Variants in VWA8 observed in about 807,000 individuals in gnomAD.
The protein encoded by VWA8 is von Willebrand factor A domain containing 8.
A neutral mutation model predicts 241.5 loss-of-function variants in VWA8; 221 were observed. The ratio of observed to expected loss-of-function variants is 0.91; its 90% confidence interval spans 0.82 to 1.02. The LOEUF (loss-of-function observed/expected upper bound fraction) is 1.02, where lower values mean the gene tolerates loss of function less well. Ranked by LOEUF, VWA8 falls within the 50% of genes least tolerant of loss-of-function variation. VWA8 has a pLI of 0.00. For synonymous variants in VWA8, 852 were observed against 827.1 expected (o/e 1.03, Z -0.52); for missense variants, 2,322 against 2,328.7 (o/e 1.00, Z 0.06).
At chr13:41,892,693 G>T (rs1225345182) in intron 4 of VWA8, among the ~76,000 whole-genome samples, 1 of 151,996 alleles carries the variant, frequency 6.6e-6, no homozygotes, top group African/African-American at 2.4e-5. Flanking sequence ...AGCACCTCAG[G>T]TCCCTTGTAC....
At position 41,854,936 on chromosome 13, in the gene VWA8, T is replaced by C. The variant is rs143632856; in HGVS notation, c.1425+10800A>G. Among the ~76,000 whole-genome samples, 163 of 152,310 alleles carry C rather than the reference T, an allele frequency of 1.1e-3. 1 individual carries two copies. Among genetic ancestry groups the C allele is most frequent in the African/African-American group, 2.8e-3 (117 of 41,568 alleles). ...ATGGAGTGGTAGGCAGCAAGTCATG[T>C]TGGGGAAACTGCAAGTCATCCCTTA... On this transcript the variant is annotated intron_variant, in intron 12 of 44. Transcript: ENST00000379310.
intron 25 of VWA8, among the ~76,000 whole-genome samples, 178 bp downstream of exon 25, chr13:41,721,192 C>A (rs939168252): frequency 6.6e-6 from 1 of 152,122 alleles, no homozygotes; most frequent in African/African-American, 2.4e-5. Context: ...AAAAGCTGAA[C>A]AGATAATAAT....
At chr13:41,940,441 A>G (rs1214793994) in intron 2 of VWA8, among the ~76,000 whole-genome samples, 1 of 152,082 alleles carries the variant, frequency 6.6e-6, no homozygotes, top group Non-Finnish European at 1.5e-5. Flanking sequence ...AAAAAAAAAA[A>G]GTCCATCAAA....
rs762017780 is a variant in VWA8 at position 41,887,192 on chromosome 13, C to A, written c.816+5G>T. The A allele has an allele frequency of 6.2e-7, 1 of 1,606,830 alleles. No homozygotes were observed. Among genetic ancestry groups the A allele is most frequent in the South Asian group, 1.1e-5 (1 of 89,256 alleles). ...AACAAATAAATTATCCTTGGTCTTACTTACCTTGAAGGGTAAATAATAAAT... is the reference window on the plus strand; with the variant it reads ...AACAAATAAATTATCCTTGGTCTTAATTACCTTGAAGGGTAAATAATAAAT... On this transcript the variant is annotated splice_donor_5th_base_variant and intron_variant, in intron 6 of 44. Transcript: ENST00000379310.
intron 37 of VWA8, among the ~76,000 whole-genome samples, chr13:41,615,762 G>C (rs1383083789): frequency 6.6e-6 from 1 of 152,144 alleles, no homozygotes; most frequent in Non-Finnish European, 1.5e-5. Context: ...TCCTCTGTGA[G>C]AGCCTGAAGT....
At chr13:41,635,959 C>T (rs2044753930) in intron 37 of VWA8, among the ~76,000 whole-genome samples, 1 of 152,146 alleles carries the variant, frequency 6.6e-6, no homozygotes, top group South Asian at 2.1e-4. Flanking sequence ...CTTGTTACAG[C>T]ACCCAGAATA....
chr13:41,725,971 C>T (rs957799716), intron 24 of VWA8, among the ~76,000 whole-genome samples: 3 of 152,128 alleles, frequency 2.0e-5, no homozygotes, highest in African/African-American at 7.2e-5. Flanking sequence ...GCAAACAATG[C>T]CTTATCAGAT....
At chr13:41,700,126 C>T (rs897073335) in intron 28 of VWA8, among the ~76,000 whole-genome samples, 2 of 152,156 alleles carry the variant, frequency 1.3e-5, no homozygotes, top group African/African-American at 4.8e-5. Context: ...CATCACCTAT[C>T]ACCCAGGTAT....
In VWA8 at chr13:41,819,212, T is replaced by C; in HGVS notation, c.1869+6A>G. The C allele has an allele frequency of 6.3e-7, 1 of 1,599,902 alleles. No homozygotes were observed. Among genetic ancestry groups the C allele is most frequent in the Non-Finnish European group, 8.5e-7 (1 of 1,176,594 alleles). ...GAAAATAGACTAAGATTGGCTTTCT[T>C]CTTACCTTTTCCTTAATCACTTGGA... is the stretch of plus-strand genomic sequence containing the variant. On this transcript the variant is annotated splice_donor_region_variant and intron_variant, in intron 15 of 44. Coordinates refer to ENST00000379310, the MANE Select transcript of VWA8 (RefSeq NM_015058.2).
chr13:41,673,842 A>G (rs2045041974), intron 36 of VWA8, among the ~76,000 whole-genome samples: 1 of 152,210 alleles, frequency 6.6e-6, no homozygotes, highest in Non-Finnish European at 1.5e-5. Flanking sequence ...GCTCTTCCAG[A>G]TGTTCTTTCC....
intron 25 of VWA8, among the ~76,000 whole-genome samples, 185 bp from the exon 26 acceptor site, chr13:41,719,927 C>G (rs1190317617): frequency 6.6e-6 from 1 of 151,984 alleles, no homozygotes; most frequent in Admixed American, 6.6e-5. Context: ...GATGACTTAA[C>G]AATATTTTCC....
At chr13:41,703,212 C>A in intron 27 of VWA8, 91 bp downstream of exon 27, 1 of 1,046,806 alleles carries the variant, frequency 9.6e-7, no homozygotes. Flanking sequence ...CCGAACAAAT[C>A]ATTTCTGAGA....
intron 37 of VWA8, among the ~76,000 whole-genome samples, chr13:41,634,865 T>C (rs1053803358): frequency 1.3e-5 from 2 of 152,230 alleles, no homozygotes; most frequent in African/African-American, 2.4e-5. Flanking sequence ...TATTAAAGTT[T>C]AGCTTTTCTT....
At chr13:41,738,147 G>A (rs1015999734) in intron 21 of VWA8, among the ~76,000 whole-genome samples, 2 of 152,154 alleles carry the variant, frequency 1.3e-5, no homozygotes, top group African/African-American at 4.8e-5. Context: ...CGCTTTGAGG[G>A]AAAAGTCCTT....
chr13:41,730,812 C>T (rs1230124100), intron 22 of VWA8, among the ~76,000 whole-genome samples: 1 of 151,706 alleles, frequency 6.6e-6, no homozygotes, highest in Non-Finnish European at 1.5e-5. Context: ...TTTAAGAAAA[C>T]ACAGATTAAG....
chr13:41,893,713 G>A (rs1431714937), intron 4 of VWA8, among the ~76,000 whole-genome samples: 5 of 151,988 alleles, frequency 3.3e-5, no homozygotes, highest in Admixed American at 6.6e-5. Context: ...GTGAAACCCC[G>A]TCTCTACTAG....
At chr13:41,820,920 T>G (rs1036601350) in intron 14 of VWA8, among the ~76,000 whole-genome samples, 2 of 151,998 alleles carry the variant, frequency 1.3e-5, no homozygotes, top group African/African-American at 4.8e-5. Flanking sequence ...CTCTCCTAGT[T>G]AGGACAAAAA....
intron 34 of VWA8, among the ~76,000 whole-genome samples, chr13:41,686,972 C>T (rs2137813248): frequency 6.6e-6 from 1 of 152,246 alleles, no homozygotes; most frequent in Non-Finnish European, 1.5e-5. Flanking sequence ...CATAGATGTC[C>T]TTACCTTGCT....
intron 20 of VWA8, among the ~76,000 whole-genome samples, chr13:41,777,426 T>C (rs1462926223): frequency 6.6e-6 from 1 of 151,884 alleles, no homozygotes; most frequent in East Asian, 1.9e-4. Flanking sequence ...ACTGAATAGA[T>C]AAGGAACTGC....
Sources: gnomAD v4.1 joint callset for allele counts (sites outside exome capture counted in the v4.1 genomes callset) on GRCh38, gnomAD v4.1.1 for gene constraint, MANE v1.5 for transcripts, NCBI Gene and HGNC (gene_info 2026-07-23, HGNC 2026-07-21) for gene names.